Variants in TAOK1 observed in about 807,000 individuals in gnomAD.
TAOK1 encodes the protein TAO kinase 1, also known as serine/threonine-protein kinase TAO1.
TAOK1 carries 21 observed loss-of-function variants against 138.3 expected under a neutral mutation model. The observed-to-expected ratio is 0.15, with a 90% confidence interval of 0.11 to 0.22. The LOEUF is 0.22. TAOK1 is among the 10% of genes least tolerant of loss of function. The probability of loss-of-function intolerance (pLI) is 1.00; values close to 1 mark genes in which losing one functional copy is unlikely to be tolerated. For missense variants in TAOK1, 651 were observed against 1,227.7 expected (o/e 0.53, Z 7.02); for synonymous variants, 361 against 398.4 (o/e 0.91, Z 1.12).
chr17:29,411,338 G>A (rs1028283736), intron 1 of TAOK1, among the ~76,000 whole-genome samples: 4 of 151,752 alleles, frequency 2.6e-5, no homozygotes, highest in East Asian at 1.9e-4. Context: ...TGATCCGCCC[G>A]CCTCGGCCTC....
At chr17:29,424,027 C>T (rs1327058292) in intron 1 of TAOK1, among the ~76,000 whole-genome samples, 3 of 134,284 alleles carry the variant, frequency 2.2e-5, no homozygotes, top group Non-Finnish European at 3.1e-5. Flanking sequence ...CCAGCCTGGG[C>T]GACAGAGTGA....
intron 1 of TAOK1, among the ~76,000 whole-genome samples, chr17:29,444,297 C>A (rs565392780): frequency 1.3e-5 from 2 of 152,208 alleles, no homozygotes; most frequent in East Asian, 3.9e-4. Flanking sequence ...ATGAACAAGA[C>A]CTTTCTATGT....
At chr17:29,521,002 G>C (rs1408610236) in intron 16 of TAOK1, among the ~76,000 whole-genome samples, 1 of 151,684 alleles carries the variant, frequency 6.6e-6, no homozygotes, top group Non-Finnish European at 1.5e-5. Flanking sequence ...TCCAAGCCTG[G>C]TCGACAGAGT....
chr17:29,432,321 T>C (rs992289886), intron 1 of TAOK1, among the ~76,000 whole-genome samples: 1 of 152,242 alleles, frequency 6.6e-6, no homozygotes, highest in African/African-American at 2.4e-5. Context: ...CTCATGGTAT[T>C]GTTTGTGGCT....
chr17:29,447,955 C>CTT (rs56163080), intron 1 of TAOK1, among the ~76,000 whole-genome samples: 86 of 93,240 alleles, frequency 9.2e-4, no homozygotes, highest in African/African-American at 2.4e-3. Context: ...TGCACCTGGT[C>CTT]TTTTTTTTTT....
At chr17:29,428,485 C>G (rs1905718580) in intron 1 of TAOK1, among the ~76,000 whole-genome samples, 1 of 151,980 alleles carries the variant, frequency 6.6e-6, no homozygotes, top group African/African-American at 2.4e-5. Context: ...CTGTAGAGTG[C>G]CTAGATAGCC....
Position 29,397,607 on chromosome 17 carries a change from C to CCCCCCA in TAOK1, c.-95+6583_-95+6584insCCCCCA, listed in dbSNP as rs60665025. ...AACAGAGTGAGATTCCGTCCCCCCC[C>CCCCCCA]AAAAAAATATATATATATATATACA... is the stretch of plus-strand genomic sequence containing the variant. On this transcript the variant is annotated intron_variant, in intron 1 of 19. Coordinates refer to ENST00000261716, the MANE Select transcript of TAOK1 (RefSeq NM_020791.4). Among the ~76,000 whole-genome samples the CCCCCCA allele has an allele frequency of 5.9e-4, 56 of 94,602 alleles. 1 individual carries two copies. The highest frequency in any genetic ancestry group is 2.0e-3 in the East Asian group (7 of 3,540). 62.1% of individuals were successfully genotyped at this position (94,602 alleles called of 152,430 possible). A position where few individuals can be genotyped will look rare whatever the true frequency, so the allele number is the denominator to read the frequency against.
At chr17:29,430,432 T>A (rs1018049284) in intron 1 of TAOK1, among the ~76,000 whole-genome samples, 1 of 152,162 alleles carries the variant, frequency 6.6e-6, no homozygotes, top group African/African-American at 2.4e-5. Flanking sequence ...AACATCCGAT[T>A]GGTTGCAAAA....
At chr17:29,418,524 C>T (rs957302405) in intron 1 of TAOK1, among the ~76,000 whole-genome samples, 14 of 152,158 alleles carry the variant, frequency 9.2e-5, no homozygotes, top group Non-Finnish European at 1.6e-4. Context: ...TTTATATAGT[C>T]ATTCCTTGGT....
At position 29,438,555 on chromosome 17, in the gene TAOK1, G is replaced by A. The variant is rs552612501; in HGVS notation, c.-94-12900G>A. ...AAATCAGTTGGGCGTGGTGACACATGCCTGTAGTCCCAGCTACTTGGGAGG... is the reference window on the plus strand; with the variant it reads ...AAATCAGTTGGGCGTGGTGACACATACCTGTAGTCCCAGCTACTTGGGAGG... On this transcript the variant is annotated intron_variant, in intron 1 of 19. Transcript: ENST00000261716. Among the ~76,000 whole-genome samples, 373 of 152,246 alleles carry A rather than the reference G, an allele frequency of 2.4e-3. 3 individuals are homozygous for A. Among genetic ancestry groups the A allele is most frequent in the African/African-American group, 8.1e-3 (335 of 41,564 alleles).
intron 18 of TAOK1, among the ~76,000 whole-genome samples, 174 bp from the exon 19 acceptor site, chr17:29,533,943 GT>G (rs1261685936): frequency 1.3e-5 from 2 of 151,974 alleles, no homozygotes; most frequent in Non-Finnish European, 2.9e-5. Flanking sequence ...ACCGATATTG[GT>G]TATTCTGCAT....
chr17:29,474,873 C>T (rs1313273697), intron 3 of TAOK1, among the ~76,000 whole-genome samples: 2 of 151,010 alleles, frequency 1.3e-5, no homozygotes, highest in African/African-American at 4.9e-5. Flanking sequence ...AAAGTAACAT[C>T]TGTGAAGTAC....
intron 1 of TAOK1, among the ~76,000 whole-genome samples, chr17:29,440,224 A>G (rs1343140246): frequency 6.6e-6 from 1 of 152,232 alleles, no homozygotes; most frequent in Non-Finnish European, 1.5e-5. Context: ...AAAATAAACT[A>G]GAAAATTCTG....
chr17:29,409,291 A>G (rs572351914), intron 1 of TAOK1, among the ~76,000 whole-genome samples: 1 of 143,390 alleles, frequency 7.0e-6, no homozygotes, highest in South Asian at 2.1e-4. Context: ...ATATTTGTAT[A>G]TAAGCCTTTT....
At chr17:29,536,093 G>A (rs929740690) in intron 19 of TAOK1, among the ~76,000 whole-genome samples, 4 of 151,150 alleles carry the variant, frequency 2.6e-5, no homozygotes, top group African/African-American at 9.8e-5. Context: ...GTGGTCAGGA[G>A]TTCAAGACCA....
rs1904678028 is a variant in TAOK1, at chr17:29,397,672, T to TATACATGCATACATGTATATTCATGTATG, written c.-95+6655_-95+6656insCATACATGTATATTCATGTATGATACATG. On this transcript the variant is annotated intron_variant, in intron 1 of 19. Coordinates refer to ENST00000261716, the MANE Select transcript of TAOK1 (RefSeq NM_020791.4). Reference sequence around the variant, plus strand: ...TATGTATATTCATGTATGATACATGTATACATGTATACATGTATATTCATG... The same window carrying TATACATGCATACATGTATATTCATGTATG: ...TATGTATATTCATGTATGATACATGTATACATGCATACATGTATATTCATGTATGATACATGTATACATGTATATTCATG... 6.8e-3 allele frequency among the ~76,000 whole-genome samples: 402 copies of TATACATGCATACATGTATATTCATGTATG among 59,520 alleles called. 10 individuals are homozygous for TATACATGCATACATGTATATTCATGTATG. Among genetic ancestry groups the TATACATGCATACATGTATATTCATGTATG allele is most frequent in the African/African-American group, 0.028 (385 of 13,576 alleles). The allele number at this position is 59,520 out of a possible 152,430, so 39.0% of individuals were successfully genotyped here.
rs1477621763 is a variant in TAOK1, at chr17:29,551,073, C to G, written c.*8051C>G. 1.3e-5 allele frequency: 2 copies of G among 152,042 alleles called. No homozygotes were observed. The highest frequency in any genetic ancestry group is 2.9e-5 in the Non-Finnish European group (2 of 68,018). The allele number at this position is 152,042 out of a possible 1,614,324, so 9.4% of individuals were successfully genotyped here. A position where few individuals can be genotyped will look rare whatever the true frequency, so the allele number is the denominator to read the frequency against. On this transcript the variant is annotated 3_prime_UTR_variant, in exon 20 of 20. Coordinates refer to ENST00000261716, the MANE Select transcript of TAOK1 (RefSeq NM_020791.4). ...AGACCATTGAGCGATGAATGCACAC[C>G]TGTAGTAGCCCAGGACCAGCTGTGG... is the stretch of plus-strand genomic sequence containing the variant.
intron 1 of TAOK1, among the ~76,000 whole-genome samples, chr17:29,439,857 T>TAAAAAAAA (rs1254986821): frequency 2.4e-5 from 3 of 126,330 alleles, no homozygotes; most frequent in African/African-American, 9.6e-5. Flanking sequence ...AAAAAGACTC[T>TAAAAAAAA]GTCTCCTAAA....
At position 29,548,670 on chromosome 17, in the gene TAOK1, A is replaced by G. The variant is rs983208315; in HGVS notation, c.*5648A>G. On this transcript the variant is annotated 3_prime_UTR_variant, in exon 20 of 20. Transcript: ENST00000261716. Reference sequence around the variant, plus strand: ...AACCTGCACAGTTTTCTTTCACTCAAAGTGTTCAGCACTTGTGAGTGAAAA... The same window carrying G: ...AACCTGCACAGTTTTCTTTCACTCAGAGTGTTCAGCACTTGTGAGTGAAAA... 4 of 152,138 alleles carry G rather than the reference A, an allele frequency of 2.6e-5. No homozygotes were observed. Among genetic ancestry groups the G allele is most frequent in the African/African-American group, 4.8e-5 (2 of 41,442 alleles). The allele number at this position is 152,138 out of a possible 1,614,324, so 9.4% of individuals were successfully genotyped here.
Sources: gnomAD v4.1 joint callset for allele counts (sites outside exome capture counted in the v4.1 genomes callset) on GRCh38, gnomAD v4.1.1 for gene constraint, MANE v1.5 for transcripts, NCBI Gene and HGNC (gene_info 2026-07-23, HGNC 2026-07-21) for gene names.